The following EPS8 variants were observed in gnomAD, a reference collection of about 807,000 sequenced individuals.
EPS8 encodes the protein epidermal growth factor receptor kinase substrate 8.
A neutral mutation model predicts 103.8 loss-of-function variants in EPS8; 42 were observed. The observed-to-expected ratio is 0.40, with a 90% confidence interval of 0.32 to 0.52. The LOEUF is 0.52. Among genes scored for constraint, EPS8 ranks in the 20% least tolerant of loss-of-function variants. EPS8 has a pLI of 0.40. For synonymous variants in EPS8, 344 were observed against 344.6 expected, an observed-to-expected ratio of 1.00 and a Z score of 0.02; for missense variants, 969 against 1,005.1, an observed-to-expected ratio of 0.96 and a Z score of 0.49.
intron 1 of EPS8, among the ~76,000 whole-genome samples, chr12:15,723,523 T>A (rs17349672): frequency 0.019 from 2,933 of 152,276 alleles, 40 homozygotes; most frequent in Non-Finnish European, 0.027. Context: ...GGTACAAATA[T>A]GCATAAGATT....
chr12:15,732,330 A>G (rs1946725576), intron 1 of EPS8, among the ~76,000 whole-genome samples: 1 of 152,220 alleles, frequency 6.6e-6, no homozygotes, highest in African/African-American at 2.4e-5. Context: ...GTTTTCCCAC[A>G]TAATTATGGT....
intron 1 of EPS8, among the ~76,000 whole-genome samples, chr12:15,730,470 G>A (rs960961167): frequency 6.6e-6 from 1 of 152,104 alleles, no homozygotes; most frequent in Non-Finnish European, 1.5e-5. Context: ...CTGTAAGCAT[G>A]GAGCTAGGTA....
chr12:15,648,406 A>G lies in EPS8; in HGVS notation c.1435-1146T>C, dbSNP rs74421847. 1.4e-3 allele frequency among the ~76,000 whole-genome samples: 217 copies of G among 152,338 alleles called. 1 individual carries two copies. In the East Asian group the frequency reaches 0.039, roughly 27 times the overall value. On this transcript the variant is annotated intron_variant, in intron 14 of 20. Coordinates refer to ENST00000281172, the MANE Select transcript of EPS8 (RefSeq NM_004447.6). Reference sequence around the variant, plus strand: ...AATGTTTCAGAAAATTCTTGGACATATGGTTACCACAGTTAATTCTAATGA... The same window carrying G: ...AATGTTTCAGAAAATTCTTGGACATGTGGTTACCACAGTTAATTCTAATGA...
chr12:15,775,575 A>C (rs866429372), intron 1 of EPS8, among the ~76,000 whole-genome samples: 1 of 152,172 alleles, frequency 6.6e-6, no homozygotes, highest in Non-Finnish European at 1.5e-5. Context: ...GAATAGGAAA[A>C]AATGTGAATC....
rs1369643082 is a variant in EPS8 at position 15,760,790 on chromosome 12, G to T, written c.-22+28371C>A. On this transcript the variant is annotated intron_variant, in intron 1 of 20. Transcript: ENST00000281172. The surrounding 1 kb of genome is among the most constrained non-coding windows in gnomAD (Gnocchi z 4.5). ...ACCCTCAAAAAGCTGGGAACAGAAA[G>T]AATATACCTTAACATAATAAAAGCC... Among the ~76,000 whole-genome samples, 1 of 151,980 alleles carries T rather than the reference G, an allele frequency of 6.6e-6. No individual in the cohort carries two copies. Among genetic ancestry groups the T allele is most frequent in the East Asian group, 1.9e-4 (1 of 5,194 alleles).
intron 18 of EPS8, among the ~76,000 whole-genome samples, chr12:15,631,055 C>G (rs1256400178): frequency 6.6e-6 from 1 of 152,182 alleles, no homozygotes; most frequent in Non-Finnish European, 1.5e-5. Flanking sequence ...AATCCTCACA[C>G]TTATCCTATG....
chr12:15,750,592 C>G (rs1591918783), intron 1 of EPS8, among the ~76,000 whole-genome samples: 1 of 152,146 alleles, frequency 6.6e-6, no homozygotes, highest in South Asian at 2.1e-4. Flanking sequence ...CACTCTGGTT[C>G]CCAGATTCAA....
In EPS8 at chr12:15,785,525, T is replaced by C. The variant is rs1022130093; in HGVS notation, c.-22+3636A>G. Among the ~76,000 whole-genome samples the C allele has an allele frequency of 6.6e-6, 1 of 152,140 alleles. No individual in the cohort carries two copies. Among genetic ancestry groups the C allele is most frequent in the African/African-American group, 2.4e-5 (1 of 41,454 alleles). On this transcript the variant is annotated intron_variant, in intron 1 of 20. Transcript: ENST00000281172. The surrounding 1 kb of genome is among the most constrained non-coding windows in gnomAD (Gnocchi z 4.9). ...GCATTACAGATAAAATGTAAATTCA[T>C]AGTTAAACATGGATACAAACTGTTA... is the stretch of plus-strand genomic sequence containing the variant.
chr12:15,715,901 C>G (rs1340974147), intron 1 of EPS8, among the ~76,000 whole-genome samples: 1 of 150,822 alleles, frequency 6.6e-6, no homozygotes, highest in Non-Finnish European at 1.5e-5. Context: ...AAAAACACGG[C>G]AGGACACAGA....
In EPS8 at chr12:15,717,209, A is replaced by G. The variant is rs1946541962; in HGVS notation, c.-21-34237T>C. ...GACAAACATGCCTGGCATGTAAATG[A>G]TGGGAATTTGTTAAAACATTCAATG... is the stretch of plus-strand genomic sequence containing the variant. On this transcript the variant is annotated intron_variant, in intron 1 of 20. Transcript: ENST00000281172. The surrounding 1 kb of genome is among the most constrained non-coding windows in gnomAD (Gnocchi z 4.3). Among the ~76,000 whole-genome samples, 2 of 152,190 alleles carry G rather than the reference A, an allele frequency of 1.3e-5. No homozygotes were observed. Among genetic ancestry groups the G allele is most frequent in the African/African-American group, 2.4e-5 (1 of 41,442 alleles).
intron 12 of EPS8, 135 bp downstream of exon 12, chr12:15,657,944 T>C: frequency 1.6e-6 from 1 of 637,488 alleles, no homozygotes. Flanking sequence ...TTTACATTCT[T>C]GATGTTTACA....
chr12:15,703,174 T>G (rs902735808), intron 1 of EPS8, among the ~76,000 whole-genome samples: 6 of 152,054 alleles, frequency 3.9e-5, no homozygotes, highest in African/African-American at 1.2e-4. Context: ...TAAAAATAAA[T>G]AAAGAAAAAT....
rs902965732 is a variant in EPS8 at position 15,752,529 on chromosome 12, G to A, written c.-22+36632C>T. 4.6e-5 allele frequency among the ~76,000 whole-genome samples: 7 copies of A among 152,048 alleles called. No individual in the cohort carries two copies. Among genetic ancestry groups the A allele is most frequent in the African/African-American group, 1.7e-4 (7 of 41,370 alleles). On this transcript the variant is annotated intron_variant, in intron 1 of 20. Transcript: ENST00000281172. This position sits in a 1 kb window ranked among gnomAD's most constrained non-coding sequence, Gnocchi z 4.4. ...CTAGCCTAAGTTGAGCCTTTTAGCA[G>A]GAGTGAAATATTCCCAGCAATGGAA... is the stretch of plus-strand genomic sequence containing the variant.
chr12:15,623,550 C>T (rs1297922811), intron 19 of EPS8, among the ~76,000 whole-genome samples: 1 of 152,064 alleles, frequency 6.6e-6, no homozygotes, highest in Non-Finnish European at 1.5e-5. Context: ...AATACCAATT[C>T]TTGGGATTTG....
At position 15,698,323 on chromosome 12, in the gene EPS8, C is replaced by T. The variant is rs1361068121; in HGVS notation, c.-21-15351G>A. 2.6e-5 allele frequency among the ~76,000 whole-genome samples: 4 copies of T among 151,924 alleles called. No individual in the cohort carries two copies. Among genetic ancestry groups the T allele is most frequent in the African/African-American group, 9.7e-5 (4 of 41,372 alleles). Reference sequence around the variant, plus strand: ...AAAATCTTACTAATAAATATTTTAACCAAGTAAGTTAAAACAGAAAAAATT... The same window carrying T: ...AAAATCTTACTAATAAATATTTTAATCAAGTAAGTTAAAACAGAAAAAATT... On this transcript the variant is annotated intron_variant, in intron 1 of 20. Coordinates refer to ENST00000281172, the MANE Select transcript of EPS8 (RefSeq NM_004447.6). The surrounding 1 kb of genome is among the most constrained non-coding windows in gnomAD (Gnocchi z 4.9).
chr12:15,626,431 C>A (rs183276380), intron 18 of EPS8, among the ~76,000 whole-genome samples: 2 of 152,000 alleles, frequency 1.3e-5, no homozygotes, highest in Admixed American at 1.3e-4. Flanking sequence ...GAAATCGAGA[C>A]CATCCTGGCC....
At chr12:15,715,398 T>C (rs534736330) in intron 1 of EPS8, among the ~76,000 whole-genome samples, 78 of 143,170 alleles carry the variant, frequency 5.4e-4, no homozygotes, top group African/African-American at 1.9e-3. Context: ...ACTTTTCTTT[T>C]TTTTTTTTTT....
intron 17 of EPS8, among the ~76,000 whole-genome samples, chr12:15,635,595 T>C (rs77514710): frequency 0.064 from 9,801 of 152,200 alleles, 635 homozygotes; most frequent in African/African-American, 0.17. Flanking sequence ...TTAGTAGTGT[T>C]AGCGGTTTAG....
At chr12:15,666,613 T>A in intron 6 of EPS8, 91 bp from the exon 7 acceptor site, 1 of 877,036 alleles carries the variant, frequency 1.1e-6, no homozygotes, top group Non-Finnish European at 1.8e-6. Flanking sequence ...GTTCCTTGTC[T>A]GAATCAGTAA....
Sources: gnomAD v4.1 joint callset for allele counts (sites outside exome capture counted in the v4.1 genomes callset) on GRCh38, gnomAD v4.1.1 for gene constraint, Gnocchi (gnomAD v3.1) non-coding constraint, MANE v1.5 for transcripts, NCBI Gene and HGNC (gene_info 2026-07-23, HGNC 2026-07-21) for gene names.